Variants in UBE2E3 observed in about 807,000 individuals in gnomAD.
The protein encoded by UBE2E3 is ubiquitin conjugating enzyme E2 E3.
Under a neutral mutation model 23.6 loss-of-function variants are expected in UBE2E3, and 5 were observed. The ratio of observed to expected loss-of-function variants is 0.21; its 90% confidence interval spans 0.11 to 0.44. The LOEUF is 0.44. Ranked by LOEUF, UBE2E3 falls within the 20% of genes least tolerant of loss-of-function variation. The probability of loss-of-function intolerance (pLI) is 0.99; values close to 1 mark genes in which losing one functional copy is unlikely to be tolerated. For missense variants in UBE2E3, 81 were observed against 249.8 expected (o/e 0.32, Z 4.55); for synonymous variants, 78 against 87.5 (o/e 0.89, Z 0.60).
chr2:181,059,560 A>G (rs1162887286), intron 4 of UBE2E3, among the ~76,000 whole-genome samples: 3 of 151,722 alleles, frequency 2.0e-5, no homozygotes, highest in African/African-American at 4.8e-5. Flanking sequence ...TCATTTCAAC[A>G]TGTAATCCGT....
intron 3 of UBE2E3, among the ~76,000 whole-genome samples, chr2:181,008,958 G>A: frequency 6.6e-6 from 1 of 151,066 alleles, no homozygotes; most frequent in Admixed American, 6.6e-5. Flanking sequence ...ATTTTTCATG[G>A]GAATGTAAAA....
chr2:181,021,736 T>C (rs548520381), intron 3 of UBE2E3, among the ~76,000 whole-genome samples: 2 of 150,572 alleles, frequency 1.3e-5, no homozygotes, highest in African/African-American at 2.4e-5. Context: ...TGGAACCATA[T>C]AAAGTAATTT....
intron 3 of UBE2E3, among the ~76,000 whole-genome samples, chr2:181,049,477 T>C (rs938276568): frequency 6.6e-6 from 1 of 152,106 alleles, no homozygotes; most frequent in Non-Finnish European, 1.5e-5. Context: ...TATATAAGTG[T>C]ACAGTACTTT....
At chr2:181,017,082 G>C (rs1685514590) in intron 3 of UBE2E3, among the ~76,000 whole-genome samples, 1 of 152,228 alleles carries the variant, frequency 6.6e-6, no homozygotes, top group Admixed American at 6.5e-5. Context: ...GAAAACTGGA[G>C]GTGGAGACAG....
At chr2:181,024,988 GGACA>G (rs1247719222) in intron 3 of UBE2E3, among the ~76,000 whole-genome samples, 3 of 151,946 alleles carry the variant, frequency 2.0e-5, no homozygotes, top group Admixed American at 6.6e-5. Flanking sequence ...TGTTTTGACA[GGACA>G]GACAATTTAA....
intron 5 of UBE2E3, among the ~76,000 whole-genome samples, chr2:181,062,104 T>G (rs1687172709): frequency 6.6e-6 from 1 of 151,708 alleles, no homozygotes; most frequent in African/African-American, 2.4e-5. Flanking sequence ...TGGGAAGTAA[T>G]GTTGTAAATG....
intron 3 of UBE2E3, among the ~76,000 whole-genome samples, chr2:181,037,726 T>C (rs376321400): frequency 6.6e-6 from 1 of 152,082 alleles, no homozygotes; most frequent in South Asian, 2.1e-4. Flanking sequence ...CCAGCACTTT[T>C]AGGAGGTTAA....
chr2:181,062,447 T>C lies in UBE2E3; in HGVS notation c.527-344T>C, dbSNP rs535290691. Among the ~76,000 whole-genome samples, 176 of 151,746 alleles carry C rather than the reference T, an allele frequency of 1.2e-3. 1 individual carries two copies. The highest frequency in any genetic ancestry group is 2.0e-3 in the Non-Finnish European group (138 of 67,738). On this transcript the variant is annotated intron_variant, in intron 5 of 5. Coordinates refer to ENST00000410062, the MANE Select transcript of UBE2E3 (RefSeq NM_006357.4). ...TTTAAAATTAACCATTTTTGAACTA[T>C]TCATAAGCAGAAATATAACCACCTA...
intron 5 of UBE2E3, among the ~76,000 whole-genome samples, chr2:181,061,575 G>A (rs1327889152): frequency 6.6e-6 from 1 of 151,520 alleles, no homozygotes; most frequent in East Asian, 1.9e-4. Context: ...TATATAAAGT[G>A]TAGTAGTAAT....
intron 3 of UBE2E3, among the ~76,000 whole-genome samples, chr2:181,020,831 G>A (rs1685648785): frequency 6.6e-6 from 1 of 152,158 alleles, no homozygotes; most frequent in African/African-American, 2.4e-5. Context: ...CATTATATCT[G>A]GATTTCCCTG....
chr2:181,057,398 G>A (rs554078605), intron 3 of UBE2E3, among the ~76,000 whole-genome samples: 3 of 151,830 alleles, frequency 2.0e-5, no homozygotes, highest in Non-Finnish European at 1.5e-5. Flanking sequence ...AGAGGGGTGT[G>A]TGTTTCGGGA....
intron 3 of UBE2E3, among the ~76,000 whole-genome samples, chr2:181,006,952 A>C (rs182031903): frequency 2.8e-4 from 42 of 152,304 alleles, no homozygotes; most frequent in African/African-American, 9.4e-4. Flanking sequence ...ATACCTAACA[A>C]TCTAATATTT....
At chr2:180,983,185 A>G (rs1417026671) in intron 2 of UBE2E3, among the ~76,000 whole-genome samples, 1 of 152,246 alleles carries the variant, frequency 6.6e-6, no homozygotes, top group Admixed American at 6.5e-5. Flanking sequence ...AAAACTGATC[A>G]AATATTGCAT....
rs1422215123 is a variant in UBE2E3 at position 181,000,587 on chromosome 2, C to T, written c.245+16494C>T. 4.0e-5 allele frequency among the ~76,000 whole-genome samples: 6 copies of T among 148,872 alleles called. No individual in the cohort carries two copies. The East Asian group carries it at 1.2e-3, about 29-fold the overall frequency. Reference sequence around the variant, plus strand: ...TTTTTTTTTTTGAGACAGAGTCTCGCTCTGTCGCCCAGGCTGCAGTGCAGT... The same window carrying T: ...TTTTTTTTTTTGAGACAGAGTCTCGTTCTGTCGCCCAGGCTGCAGTGCAGT... On this transcript the variant is annotated intron_variant, in intron 3 of 5. Transcript: ENST00000410062.
At chr2:180,996,904 T>C (rs972165853) in intron 3 of UBE2E3, among the ~76,000 whole-genome samples, 2 of 152,234 alleles carry the variant, frequency 1.3e-5, no homozygotes, top group African/African-American at 4.8e-5. Flanking sequence ...CTTTAGTTTT[T>C]ACACCTCCCC....
intron 3 of UBE2E3, among the ~76,000 whole-genome samples, chr2:181,022,732 CA>C (rs1480533080): frequency 6.7e-6 from 1 of 149,248 alleles, no homozygotes; most frequent in Non-Finnish European, 1.5e-5. Flanking sequence ...CAAAAAAAAA[CA>C]AAAAACAAAA....
intron 3 of UBE2E3, among the ~76,000 whole-genome samples, chr2:181,017,708 G>T (rs1031834623): frequency 1.3e-5 from 2 of 148,736 alleles, no homozygotes; most frequent in Non-Finnish European, 3.0e-5. Context: ...AGCATAAAAG[G>T]TTTTTTTGTT....
At chr2:180,996,794 T>C (rs1344996593) in intron 3 of UBE2E3, among the ~76,000 whole-genome samples, 2 of 152,220 alleles carry the variant, frequency 1.3e-5, no homozygotes, top group Non-Finnish European at 2.9e-5. Flanking sequence ...GTAATAGTTG[T>C]GTTTCTTACA....
intron 3 of UBE2E3, among the ~76,000 whole-genome samples, chr2:181,008,906 C>CTTTTTTTTTTTTTTT (rs3060037): frequency 7.0e-6 from 1 of 142,344 alleles, no homozygotes. Flanking sequence ...GCAGTATGTG[C>CTTTTTTTTTTTTTTT]TTTTTTTTTT....
Sources: allele counts gnomAD v4.1 joint callset (sites outside exome capture counted in the v4.1 genomes callset), GRCh38; gene constraint gnomAD v4.1.1; transcripts MANE v1.5; gene names NCBI Gene and HGNC (gene_info 2026-07-23, HGNC 2026-07-21).